Variants in RBMS3 observed in about 807,000 individuals in gnomAD.
The protein encoded by RBMS3 is RNA binding motif single stranded interacting protein 3.
RBMS3 carries 27 observed loss-of-function variants against 66.8 expected under a neutral mutation model. That is an observed-to-expected ratio of 0.40 (90% confidence interval 0.30 to 0.56). RBMS3 has a LOEUF of 0.56. Ranked by LOEUF, RBMS3 falls within the 20% of genes least tolerant of loss-of-function variation. The pLI is 0.40. For synonymous variants in RBMS3, 188 were observed against 183.0 expected (o/e 1.03, Z -0.22); for missense variants, 513 against 549.5 (o/e 0.93, Z 0.66).
intron 1 of RBMS3, among the ~76,000 whole-genome samples, chr3:29,307,267 T>C (rs2034074428): frequency 6.6e-6 from 1 of 151,968 alleles, no homozygotes; most frequent in African/African-American, 2.4e-5. Context: ...AAATTGTAAG[T>C]TGAGGGTTGG....
intron 4 of RBMS3, among the ~76,000 whole-genome samples, chr3:29,670,315 C>T (rs1001745431): frequency 6.6e-6 from 1 of 152,030 alleles, no homozygotes; most frequent in Non-Finnish European, 1.5e-5. Flanking sequence ...GGAAGAGCTC[C>T]AGTCTATAGC....
intron 1 of RBMS3, among the ~76,000 whole-genome samples, chr3:29,284,221 T>G (rs1162461470): frequency 1.3e-5 from 2 of 152,184 alleles, no homozygotes; most frequent in Non-Finnish European, 2.9e-5. Flanking sequence ...GATGCTGATA[T>G]GTCAATAATA....
At chr3:29,956,906 A>G (rs1233023199) in intron 12 of RBMS3, among the ~76,000 whole-genome samples, 3 of 151,796 alleles carry the variant, frequency 2.0e-5, no homozygotes, top group Non-Finnish European at 2.9e-5. Context: ...TTTCACATTC[A>G]TCTGTTACTA....
At chr3:29,434,717 C>T in intron 1 of RBMS3, 26 bp from the exon 2 acceptor site, 8 of 1,597,226 alleles carry the variant, frequency 5.0e-6, no homozygotes, top group Non-Finnish European at 6.0e-6. Context: ...TTTTGTTTTT[C>T]CAGTAACAGC....
intron 3 of RBMS3, among the ~76,000 whole-genome samples, chr3:29,570,901 C>A (rs563369877): frequency 6.6e-6 from 1 of 152,104 alleles, no homozygotes; most frequent in African/African-American, 2.4e-5. Context: ...GAAATCCAAA[C>A]TCTTCTCCAT....
At chr3:29,690,530 G>A (rs2051957209) in intron 4 of RBMS3, among the ~76,000 whole-genome samples, 1 of 152,168 alleles carries the variant, frequency 6.6e-6, no homozygotes, top group Admixed American at 6.5e-5. Flanking sequence ...AATCAATTAT[G>A]TTTCTTTGTG....
intron 12 of RBMS3, among the ~76,000 whole-genome samples, chr3:29,977,109 TG>T (rs1293606204): frequency 1.3e-5 from 2 of 152,144 alleles, no homozygotes; most frequent in Admixed American, 1.3e-4. Flanking sequence ...TTTCCGGGTT[TG>T]ATGCGACCTG....
intron 2 of RBMS3, among the ~76,000 whole-genome samples, chr3:29,435,182 T>C (rs2041354484): frequency 6.6e-6 from 1 of 152,162 alleles, no homozygotes; most frequent in Non-Finnish European, 1.5e-5. Flanking sequence ...AAGATGAAGA[T>C]CAAGTAATAG....
At chr3:29,690,502 C>G (rs2051955717) in intron 4 of RBMS3, among the ~76,000 whole-genome samples, 1 of 152,078 alleles carries the variant, frequency 6.6e-6, no homozygotes, top group African/African-American at 2.4e-5. Context: ...TGTTCTTCAC[C>G]TCTAATCAAT....
At chr3:29,607,372 G>A (rs759406510) in intron 4 of RBMS3, among the ~76,000 whole-genome samples, 1 of 151,884 alleles carries the variant, frequency 6.6e-6, no homozygotes, top group Non-Finnish European at 1.5e-5. Context: ...AGTGTCTGTT[G>A]AGGGCCTGGT....
chr3:29,868,991 C>G (rs779820483), intron 7 of RBMS3, 27 bp downstream of exon 7: 3 of 1,543,322 alleles, frequency 1.9e-6, no homozygotes, highest in South Asian at 1.2e-5. Flanking sequence ...AACATTTGCT[C>G]TGAAATTTGG....
At chr3:29,603,954 A>T (rs1317954161) in intron 4 of RBMS3, among the ~76,000 whole-genome samples, 1 of 151,946 alleles carries the variant, frequency 6.6e-6, no homozygotes, top group Non-Finnish European at 1.5e-5. Context: ...TGCAACATCT[A>T]TAAACATTTA....
intron 4 of RBMS3, among the ~76,000 whole-genome samples, chr3:29,722,060 AG>A (rs2149322156): frequency 6.6e-6 from 1 of 152,328 alleles, no homozygotes; most frequent in African/African-American, 2.4e-5. Context: ...GTCTCAAGGG[AG>A]GGCAGTTTGA....
At chr3:29,366,467 C>T (rs938035920) in intron 1 of RBMS3, among the ~76,000 whole-genome samples, 3 of 152,134 alleles carry the variant, frequency 2.0e-5, no homozygotes, top group Non-Finnish European at 2.9e-5. Flanking sequence ...TTAACTGCAG[C>T]TTCAAATTAT....
chr3:29,459,934 G>T (rs1575878542), intron 2 of RBMS3, among the ~76,000 whole-genome samples: 1 of 152,190 alleles, frequency 6.6e-6, no homozygotes, highest in East Asian at 1.9e-4. Context: ...GTTTACTCAA[G>T]TGCCAAATGG....
At chr3:29,653,409 A>G (rs1487188724) in intron 4 of RBMS3, among the ~76,000 whole-genome samples, 1 of 152,146 alleles carries the variant, frequency 6.6e-6, no homozygotes, top group Non-Finnish European at 1.5e-5. Flanking sequence ...TTATCACTGA[A>G]GATGCATAAC....
intron 1 of RBMS3, among the ~76,000 whole-genome samples, chr3:29,289,819 T>C (rs1010686846): frequency 5.3e-5 from 8 of 151,870 alleles, no homozygotes; most frequent in Non-Finnish European, 1.0e-4. Flanking sequence ...TATCATTATA[T>C]TGTGAGGTTA....
chr3:29,553,918 C>T (rs2046261254), intron 3 of RBMS3, among the ~76,000 whole-genome samples: 1 of 151,470 alleles, frequency 6.6e-6, no homozygotes, highest in African/African-American at 2.4e-5. Flanking sequence ...TGGATACAAT[C>T]TCTGAATTTG....
intron 1 of RBMS3, among the ~76,000 whole-genome samples, chr3:29,319,074 G>C (rs1221017707): frequency 2.6e-5 from 4 of 151,850 alleles, no homozygotes; most frequent in African/African-American, 9.7e-5. Flanking sequence ...AGAAGCTAAG[G>C]GATATAAGTG....
Sources: allele counts gnomAD v4.1 joint callset (sites outside exome capture counted in the v4.1 genomes callset), GRCh38; gene constraint gnomAD v4.1.1; transcripts MANE v1.5; gene names NCBI Gene and HGNC (gene_info 2026-07-23, HGNC 2026-07-21).